STK24: variants seen among roughly 807,000 people sequenced by gnomAD.
STK24 encodes the protein serine/threonine-protein kinase 24.
A neutral mutation model predicts 55.6 loss-of-function variants in STK24; 21 were observed. That is an observed-to-expected ratio of 0.38 (90% CI 0.27 to 0.54). The LOEUF (loss-of-function observed/expected upper bound fraction) is 0.54, where lower values mean the gene tolerates loss of function less well. STK24 is among the 20% of genes least tolerant of loss of function. The pLI, the probability that STK24 is intolerant of heterozygous loss-of-function variation, is 0.79. For synonymous variants in STK24, 200 were observed against 215.2 expected (o/e 0.93, Z 0.62); for missense variants, 383 against 538.4 (o/e 0.71, Z 2.86).
chr13:98,484,623 C>T lies in STK24; in HGVS notation c.274-2302G>A, dbSNP rs565541189. ...AAGCTCCGCCCTCCTCAGTTCGCTG[C>T]TCTCTCAATCTGACCACGAAGGTAC... On this transcript the variant is annotated intron_variant, in intron 2 of 10. Transcript: ENST00000539966. 2.0e-5 allele frequency among the ~76,000 whole-genome samples: 3 copies of T among 152,324 alleles called. No homozygotes were observed. In the South Asian group the frequency reaches 6.2e-4, roughly 32 times the overall value.
At chr13:98,458,458 G>A (rs2139246451) in intron 9 of STK24, among the ~76,000 whole-genome samples, 1 of 152,336 alleles carries the variant, frequency 6.6e-6, no homozygotes, top group East Asian at 1.9e-4. Context: ...CGCTACTGAA[G>A]GGGCAGGCAG....
intron 2 of STK24, among the ~76,000 whole-genome samples, chr13:98,517,653 C>A (rs939671517): frequency 6.6e-6 from 1 of 152,118 alleles, no homozygotes; most frequent in Non-Finnish European, 1.5e-5. Flanking sequence ...AATTTAACAT[C>A]AAGATGCTGG....
intron 1 of STK24, among the ~76,000 whole-genome samples, chr13:98,555,619 A>G (rs1897269160): frequency 6.6e-6 from 1 of 151,642 alleles, no homozygotes; most frequent in African/African-American, 2.4e-5. Context: ...CTCACTCTCA[A>G]CAGAAAACTC....
chr13:98,457,410 A>C, intron 9 of STK24, 106 bp from the exon 10 acceptor site: 4 of 1,442,626 alleles, frequency 2.8e-6, no homozygotes, highest in East Asian at 2.7e-5. Context: ...ACACTACCCC[A>C]GCCCCAGGGT....
At position 98,446,797 on chromosome 13, in the gene STK24, A is replaced by G. The variant is rs1280606886; in HGVS notation, c.*6376T>C. On this transcript the variant is annotated 3_prime_UTR_variant, in exon 11 of 11. Transcript: ENST00000539966. Reference sequence around the variant, plus strand: ...CCCACGTCTACTACTTCAGGGCGGAAAGCGAGTACACGTTCGAAAGGTAGA... The same window carrying G: ...CCCACGTCTACTACTTCAGGGCGGAGAGCGAGTACACGTTCGAAAGGTAGA... 6.2e-7 allele frequency: 1 copy of G among 1,614,128 alleles called. No individual in the cohort carries two copies. Among genetic ancestry groups the G allele is most frequent in the Admixed American group, 1.7e-5 (1 of 60,020 alleles).
At chr13:98,500,618 C>G (rs1895416941) in intron 2 of STK24, among the ~76,000 whole-genome samples, 1 of 142,546 alleles carries the variant, frequency 7.0e-6, no homozygotes, top group African/African-American at 2.6e-5. Flanking sequence ...AACCTTCCCA[C>G]CCCCACCCCC....
In STK24 at chr13:98,548,272, C is replaced by T. The variant is rs143774596; in HGVS notation, c.42+28473G>A. Among the ~76,000 whole-genome samples, 1,088 of 152,208 alleles carry T rather than the reference C, an allele frequency of 7.1e-3. 12 individuals are homozygous for T. The highest frequency in any genetic ancestry group is 0.02 in the African/African-American group (831 of 41,538). On this transcript the variant is annotated intron_variant, in intron 1 of 10. Transcript: ENST00000539966. ...ATTTTTTATTTTCCTGGGGCAAAAA[C>T]AAAGTTTTTTTTAAAACTGGACATA...
At chr13:98,489,461 A>G (rs1894935763) in intron 2 of STK24, among the ~76,000 whole-genome samples, 1 of 152,204 alleles carries the variant, frequency 6.6e-6, no homozygotes, top group African/African-American at 2.4e-5. Flanking sequence ...AACACATAAC[A>G]TACCTACTAG....
At position 98,448,543 on chromosome 13, in the gene STK24, T is replaced by C. The variant is rs1197900483; in HGVS notation, c.*4630A>G. 4 of 550,602 alleles carry C rather than the reference T, an allele frequency of 7.3e-6. No homozygotes were observed. The highest frequency in any genetic ancestry group is 1.3e-5 in the Non-Finnish European group (4 of 308,712). The allele number at this position is 550,602 out of a possible 1,614,324, so 34.1% of individuals were successfully genotyped here. On this transcript the variant is annotated 3_prime_UTR_variant, in exon 11 of 11. Coordinates refer to ENST00000539966, the MANE Select transcript of STK24 (RefSeq NM_001032296.4). ...GGCATCCGCTGGGGGCGCTGTTCTT[T>C]AGCTAGTGCCAGTATTAAAACATTG...
At position 98,503,024 on chromosome 13, in the gene STK24, G is replaced by GGTTTTTTT. The variant is rs759314930; in HGVS notation, c.273+16218_273+16219insAAAAAAAC. Among the ~76,000 whole-genome samples the GGTTTTTTT allele has an allele frequency of 2.8e-4, 30 of 107,056 alleles. 1 individual carries two copies. Among genetic ancestry groups the GGTTTTTTT allele is most frequent in the East Asian group, 7.3e-4 (3 of 4,112 alleles). The allele number at this position is 107,056 out of a possible 152,430, so 70.2% of individuals were successfully genotyped here. ...AATATATTAGAAATACTTTCCATGTGTTTTTTTTTTTTTTTTTCAGTATGG... is the reference window on the plus strand; with the variant it reads ...AATATATTAGAAATACTTTCCATGTGGTTTTTTTTTTTTTTTTTTTTTTTTCAGTATGG... On this transcript the variant is annotated intron_variant, in intron 2 of 10. Coordinates refer to ENST00000539966, the MANE Select transcript of STK24 (RefSeq NM_001032296.4).
chr13:98,504,028 A>C (rs1488005221), intron 2 of STK24, among the ~76,000 whole-genome samples: 2 of 152,224 alleles, frequency 1.3e-5, no homozygotes, highest in East Asian at 1.9e-4. Context: ...TCTATGGAGA[A>C]GACAGAAAGA....
At chr13:98,554,068 CAAA>C (rs36119384) in intron 1 of STK24, among the ~76,000 whole-genome samples, 5 of 98,136 alleles carry the variant, frequency 5.1e-5, no homozygotes, top group Admixed American at 1.2e-4. Context: ...GACTCAGTCT[CAAA>C]AAAAAAAAAA....
rs1055871437 is a variant in STK24 at position 98,493,829 on chromosome 13, C to G, written c.274-11508G>C. Among the ~76,000 whole-genome samples the G allele has an allele frequency of 5.5e-5, 8 of 145,520 alleles. No homozygotes were observed. In the South Asian group the frequency reaches 1.3e-3, roughly 24 times the overall value. ...AGAATAAAGACTTAACGGTATTCTG[C>G]AAAAAAAAAATTTTTTTTTTTTTTT... On this transcript the variant is annotated intron_variant, in intron 2 of 10. Coordinates refer to ENST00000539966, the MANE Select transcript of STK24 (RefSeq NM_001032296.4).
At chr13:98,570,460 AG>A (rs1289606558) in intron 1 of STK24, among the ~76,000 whole-genome samples, 1 of 152,252 alleles carries the variant, frequency 6.6e-6, no homozygotes, top group African/African-American at 2.4e-5. Context: ...TTAAAATAAT[AG>A]GAAGATAAAC....
intron 1 of STK24, among the ~76,000 whole-genome samples, chr13:98,569,798 G>A (rs1484065751): frequency 2.7e-5 from 4 of 149,372 alleles, no homozygotes; most frequent in Non-Finnish European, 5.9e-5. Flanking sequence ...AAGCGGAAGA[G>A]AAGTAAATCC....
At chr13:98,568,115 G>A (rs1485294471) in intron 1 of STK24, among the ~76,000 whole-genome samples, 1 of 151,952 alleles carries the variant, frequency 6.6e-6, no homozygotes, top group African/African-American at 2.4e-5. Context: ...TTCTGCCTCA[G>A]CCTGCCAAGT....
Position 98,452,302 on chromosome 13 carries a change from C to G in STK24, c.*871G>C, listed in dbSNP as rs1012229081. ...GGCGCAGACCAGCAGTGGCACGATT[C>G]CAAACAAATGTCAGACGAGAGCGCT... On this transcript the variant is annotated 3_prime_UTR_variant, in exon 11 of 11. Transcript: ENST00000539966. The G allele has an allele frequency of 6.6e-6, 1 of 152,342 alleles. No homozygotes were observed. Among genetic ancestry groups the G allele is most frequent in the African/African-American group, 2.4e-5 (1 of 41,406 alleles). The allele number at this position is 152,342 out of a possible 1,614,324, so 9.4% of individuals were successfully genotyped here.
chr13:98,446,021 G>A lies in STK24; in HGVS notation c.*7152C>T. On this transcript the variant is annotated 3_prime_UTR_variant, in exon 11 of 11. Coordinates refer to ENST00000539966, the MANE Select transcript of STK24 (RefSeq NM_001032296.4). ...GGACATGCCCCAGCCCAGGGCCCTG[G>A]TGCAGGGAGAGCTGCTCTCTGTGCC... 2.0e-6 allele frequency: 2 copies of A among 977,092 alleles called. No individual in the cohort carries two copies. Among genetic ancestry groups the A allele is most frequent in the Non-Finnish European group, 3.2e-6 (2 of 617,020 alleles). The allele number at this position is 977,092 out of a possible 1,614,324, so 60.5% of individuals were successfully genotyped here.
chr13:98,533,034 C>A (rs1199282931), intron 1 of STK24, among the ~76,000 whole-genome samples: 2 of 152,186 alleles, frequency 1.3e-5, no homozygotes, highest in Non-Finnish European at 2.9e-5. Flanking sequence ...AGAAAATTGG[C>A]ACAAAGAGAA....
Sources: allele counts gnomAD v4.1 joint callset (sites outside exome capture counted in the v4.1 genomes callset), GRCh38; gene constraint gnomAD v4.1.1; transcripts MANE v1.5; gene names NCBI Gene and HGNC (gene_info 2026-07-23, HGNC 2026-07-21).